Variants in ANKRD17 observed in about 807,000 individuals in gnomAD.
The protein encoded by ANKRD17 is ankyrin repeat domain 17.
Under a neutral mutation model 229.7 loss-of-function variants are expected in ANKRD17, and 19 were observed. The ratio of observed to expected loss-of-function variants is 0.08; its 90% CI spans 0.06 to 0.12. The LOEUF is 0.12. ANKRD17 is among the 10% of genes least tolerant of loss of function. The pLI is 1.00. For synonymous variants in ANKRD17, 1,112 were observed against 1,146.1 expected, an observed-to-expected ratio of 0.97 and a Z score of 0.60; for missense variants, 2,176 against 3,176.8, an observed-to-expected ratio of 0.68 and a Z score of 7.57.
At chr4:73,196,991 T>C (rs897327047) in intron 1 of ANKRD17, among the ~76,000 whole-genome samples, 1 of 152,216 alleles carries the variant, frequency 6.6e-6, no homozygotes, top group African/African-American at 2.4e-5. Context: ...TATATGTATA[T>C]AATTAAGACA....
chr4:73,237,316 A>C (rs1743596200), intron 1 of ANKRD17, among the ~76,000 whole-genome samples: 1 of 152,206 alleles, frequency 6.6e-6, no homozygotes, highest in South Asian at 2.1e-4. Context: ...TGTGTTTTTT[A>C]TGTGTTAGCA....
intron 16 of ANKRD17, among the ~76,000 whole-genome samples, chr4:73,126,432 ACCCACCTAACAAACTGAG>A: frequency 6.6e-6 from 1 of 152,108 alleles, no homozygotes; most frequent in African/African-American, 2.4e-5. Context: ...GCAGTTGTGG[ACCCACCTAACAAACTGAG>A]AAGTAGGCCT....
At chr4:73,093,599 C>T (rs1723005336) in intron 28 of ANKRD17, among the ~76,000 whole-genome samples, 1 of 152,094 alleles carries the variant, frequency 6.6e-6, no homozygotes, top group Non-Finnish European at 1.5e-5. Flanking sequence ...GTCTCGAACT[C>T]CTGACCTCAG....
intron 1 of ANKRD17, 82 bp downstream of exon 1, chr4:73,258,194 C>T: frequency 1.3e-6 from 2 of 1,595,418 alleles, no homozygotes; most frequent in Non-Finnish European, 1.7e-6. Flanking sequence ...TGGAATCTGT[C>T]CCACTCCAAA....
At chr4:73,098,968 T>C in intron 25 of ANKRD17, 1 of 986,382 alleles carries the variant, frequency 1.0e-6, no homozygotes, top group Non-Finnish European at 1.6e-6. Flanking sequence ...AGGAGCCCAG[T>C]GAAGTGCCAA....
intron 24 of ANKRD17, among the ~76,000 whole-genome samples, chr4:73,104,873 G>A (rs1724428171): frequency 6.6e-6 from 1 of 152,116 alleles, no homozygotes; most frequent in Admixed American, 6.6e-5. Context: ...GTTTGGGTAG[G>A]TCATAGGGTG....
chr4:73,120,651 C>T (rs1726607691), intron 20 of ANKRD17, among the ~76,000 whole-genome samples: 1 of 151,728 alleles, frequency 6.6e-6, no homozygotes. Context: ...AAAATAGTCT[C>T]TCTTTTTCAG....
chr4:73,149,342 C>CTA (rs957467924), intron 7 of ANKRD17, among the ~76,000 whole-genome samples: 17 of 151,868 alleles, frequency 1.1e-4, no homozygotes, highest in African/African-American at 3.9e-4. Flanking sequence ...AAATAAGAGA[C>CTA]TATAGTGAGA....
At chr4:73,197,700 C>G (rs1206122414) in intron 1 of ANKRD17, among the ~76,000 whole-genome samples, 1 of 151,894 alleles carries the variant, frequency 6.6e-6, no homozygotes, top group Admixed American at 6.6e-5. Context: ...GCCGGGCATA[C>G]GAGCATGCTC....
chr4:73,157,805 G>A (rs72663007), intron 3 of ANKRD17, among the ~76,000 whole-genome samples: 7 of 152,032 alleles, frequency 4.6e-5, no homozygotes, highest in Non-Finnish European at 8.8e-5. Context: ...AGTAGAACAC[G>A]TCCGCCGGGC....
chr4:73,189,605 C>G (rs968228755), intron 1 of ANKRD17, among the ~76,000 whole-genome samples: 3 of 152,094 alleles, frequency 2.0e-5, no homozygotes, highest in African/African-American at 7.2e-5. Context: ...GCATTACAGG[C>G]GTGAGCCATC....
intron 1 of ANKRD17, among the ~76,000 whole-genome samples, chr4:73,194,619 G>A (rs1024008966): frequency 4.6e-5 from 7 of 151,918 alleles, no homozygotes; most frequent in African/African-American, 9.7e-5. Flanking sequence ...TCTTGTTTTC[G>A]GGGGAATTTA....
intron 16 of ANKRD17, among the ~76,000 whole-genome samples, chr4:73,132,790 C>G (rs1414570086): frequency 2.0e-5 from 3 of 152,290 alleles, no homozygotes; most frequent in African/African-American, 7.2e-5. Flanking sequence ...ACCATCACTA[C>G]AGTAATTTCA....
chr4:73,165,449 C>A (rs1208242966), intron 2 of ANKRD17, among the ~76,000 whole-genome samples: 1 of 152,152 alleles, frequency 6.6e-6, no homozygotes, highest in Non-Finnish European at 1.5e-5. Context: ...GTAGTGAAAT[C>A]CTCAGCCCCA....
At chr4:73,153,773 C>A in intron 6 of ANKRD17, 107 bp downstream of exon 6, 1 of 766,428 alleles carries the variant, frequency 1.3e-6, no homozygotes, top group Non-Finnish European at 1.9e-6. Flanking sequence ...TAATTACATA[C>A]TATATACTAT....
At position 73,188,653 on chromosome 4, in the gene ANKRD17, A is replaced by G. The variant is rs556202313; in HGVS notation, c.394-11120T>C. On this transcript the variant is annotated intron_variant, in intron 1 of 33. Transcript: ENST00000358602. The stretch of plus-strand genomic sequence containing the variant: ...TTAAATTCATTAGAACCTGAGATTT[A>G]AAATAAATAAATGAAAAGCTTCAAA... Among the ~76,000 whole-genome samples, 83 of 152,308 alleles carry G rather than the reference A, an allele frequency of 5.4e-4. 1 individual carries two copies. In the South Asian group the frequency reaches 0.016, roughly 29 times the overall value.
rs906842631 is a variant in ANKRD17, at chr4:73,258,632, C to T, written c.37G>A (p.Ala13Thr). 1.3e-6 allele frequency: 2 copies of T among 1,486,730 alleles called. No individual in the cohort carries two copies. Among genetic ancestry groups the T allele is most frequent in the South Asian group, 1.3e-5 (1 of 78,924 alleles). 92.1% of individuals were successfully genotyped at this position (1,486,730 alleles called of 1,614,324 possible). A position where few individuals can be genotyped will look rare whatever the true frequency, so the allele number is the denominator to read the frequency against. Residue 13 changes from alanine to threonine, a missense_variant, in exon 1 of 34, where the codon GCT becomes ACT. By Grantham distance (58) the Ala-to-Thr change is moderately conservative. Transcript: ENST00000358602. ...KATVPVAAATAAEGEGSPPAV... is the reference protein window; with the variant it reads ...KATVPVAAATTAEGEGSPPAV... The stretch of plus-strand genomic sequence containing the variant: ...GGGGGGCTCCCTTCTCCTTCTGCAG[C>T]CGTCGCCGCCGCCACCGGAACCGTC...
At chr4:73,159,610 A>T (rs535088466) in intron 3 of ANKRD17, among the ~76,000 whole-genome samples, 191 of 152,300 alleles carry the variant, frequency 1.3e-3, no homozygotes, top group African/African-American at 4.5e-3. Flanking sequence ...GTTAAATTCC[A>T]GTATTTTCAA....
At chr4:73,124,858 G>T (rs759091090) in intron 18 of ANKRD17, 55 bp downstream of exon 18, 77 of 1,578,212 alleles carry the variant, frequency 4.9e-5, no homozygotes, top group Non-Finnish European at 6.5e-5. Context: ...ATAAGTGAAA[G>T]TACACATTTG....
Sources: allele counts gnomAD v4.1 joint callset (sites outside exome capture counted in the v4.1 genomes callset), GRCh38; gene constraint gnomAD v4.1.1; transcripts MANE v1.5; gene names NCBI Gene and HGNC (gene_info 2026-07-23, HGNC 2026-07-21).